Variants in SYNE2 observed in about 807,000 individuals in gnomAD.
SYNE2 encodes nesprin-2.
Under a neutral mutation model 856.3 loss-of-function variants are expected in SYNE2, and 431 were observed. The ratio of observed to expected loss-of-function variants is 0.50; its 90% CI spans 0.47 to 0.55. The LOEUF (loss-of-function observed/expected upper bound fraction) is 0.55. Among genes scored for constraint, SYNE2 ranks in the 20% least tolerant of loss-of-function variants. The pLI is 0.00. For missense variants in SYNE2, 8,129 were observed against 8,023.2 expected (o/e 1.01, Z -0.50); for synonymous variants, 2,923 against 2,872.3 (o/e 1.02, Z -0.56).
intron 94 of SYNE2, chr14:64,174,067 A>AT: frequency 6.0e-5 from 32 of 536,798 alleles, no homozygotes; most frequent in South Asian, 1.7e-4. Context: ...TTGTCTCTTA[A>AT]ATTTTTTTTT....
intron 51 of SYNE2, among the ~76,000 whole-genome samples, chr14:64,066,528 G>T (rs147417277): frequency 1.1e-3 from 161 of 152,114 alleles, no homozygotes; most frequent in African/African-American, 3.7e-3. Context: ...AAAACACAAC[G>T]TAAAATTATC....
At position 64,098,030 on chromosome 14, in the gene SYNE2, G is replaced by C; in HGVS notation, c.12190G>C (p.Val4064Leu). The C allele has an allele frequency of 1.2e-6, 2 of 1,614,190 alleles. No homozygotes were observed. Among genetic ancestry groups the C allele is most frequent in the Non-Finnish European group, 1.7e-6 (2 of 1,180,016 alleles). ...EDLLVDLKAT[V>L]LNLHQHLKQE... ...CCTGTTGGTGGACTTGAAGGCCACC[G>C]TACTAAACCTTCACCAGCATTTGAA... Residue 4064 changes from valine (V) to leucine (L), a missense_variant, in exon 62 of 116, where the codon GTA (valine) becomes CTA (leucine). Val to Leu is a conservative substitution (Grantham distance 32). Coordinates refer to ENST00000555002, the MANE Select transcript of SYNE2 (RefSeq NM_182914.3).
intron 1 of SYNE2, among the ~76,000 whole-genome samples, chr14:63,896,268 G>A (rs531193226): frequency 4.6e-5 from 7 of 152,172 alleles, no homozygotes; most frequent in Non-Finnish European, 8.8e-5. Flanking sequence ...GTGTACTCCC[G>A]AACTCCTGTA....
At chr14:63,998,444 G>A (rs563777292) in intron 26 of SYNE2, 116 bp downstream of exon 26, 10 of 704,768 alleles carry the variant, frequency 1.4e-5, no homozygotes, top group Non-Finnish European at 2.5e-5. Flanking sequence ...ATATGATCCA[G>A]TAACTTAGAA....
At chr14:64,203,024 G>A in intron 100 of SYNE2, 61 bp downstream of exon 100, 2 of 1,595,002 alleles carry the variant, frequency 1.3e-6, no homozygotes, top group Admixed American at 3.4e-5. Flanking sequence ...CACTGACTGA[G>A]GCCTTCCCCG....
intron 79 of SYNE2, among the ~76,000 whole-genome samples, chr14:64,138,278 A>G (rs977575628): frequency 4.6e-5 from 7 of 152,032 alleles, no homozygotes; most frequent in South Asian, 2.1e-4. Context: ...GCTGGAGTGC[A>G]TGGAGTGCAG....
In SYNE2 at chr14:64,216,360, G is replaced by T. The variant is rs372269749; in HGVS notation, c.19515G>T (p.Ala6505=). The change falls in exon 108 of 116, where the codon GCG becomes GCT. Residue 6505 remains alanine, a synonymous_variant. Coordinates refer to ENST00000555002, the MANE Select transcript of SYNE2 (RefSeq NM_182914.3). Reference sequence around the variant, plus strand: ...GGAATGTTCCACCTGTTCCCCCTGCGTCCAGCACCCCTTATAAACCACCCT... The same window carrying T: ...GGAATGTTCCACCTGTTCCCCCTGCTTCCAGCACCCCTTATAAACCACCCT... ...GDRNVPPVPP[A]SSTPYKPPYG... is the part of the protein sequence containing the mutation. 6.2e-7 allele frequency: 1 copy of T among 1,614,038 alleles called. No individual in the cohort carries two copies. Among genetic ancestry groups the T allele is most frequent in the Admixed American group, 1.7e-5 (1 of 60,000 alleles).
intron 1 of SYNE2, among the ~76,000 whole-genome samples, chr14:63,769,023 C>T (rs1001629095): frequency 6.6e-6 from 1 of 152,072 alleles, no homozygotes; most frequent in Non-Finnish European, 1.5e-5. Flanking sequence ...ACCTTTAAGC[C>T]CAGCACTTTG....
At chr14:63,775,486 G>A (rs992405774) in intron 1 of SYNE2, among the ~76,000 whole-genome samples, 1 of 151,878 alleles carries the variant, frequency 6.6e-6, no homozygotes, top group Admixed American at 6.6e-5. Flanking sequence ...ATGTTGGCCA[G>A]GCTGGTCTTG....
At chr14:64,125,670 A>C (rs1373822602) in intron 71 of SYNE2, among the ~76,000 whole-genome samples, 1 of 152,190 alleles carries the variant, frequency 6.6e-6, no homozygotes, top group Non-Finnish European at 1.5e-5. Flanking sequence ...TAACTGTTCA[A>C]GAATTCAGGG....
chr14:63,974,759 CGT>C (rs72348396), intron 11 of SYNE2, among the ~76,000 whole-genome samples: 42,802 of 135,624 alleles, frequency 0.32, 6,942 homozygotes, highest in Middle Eastern at 0.38. Context: ...TATGTATATA[CGT>C]GTGTGTGTAT....
At chr14:63,987,779 T>C (rs2096637439) in intron 19 of SYNE2, among the ~76,000 whole-genome samples, 1 of 152,010 alleles carries the variant, frequency 6.6e-6, no homozygotes. Flanking sequence ...TTTTAAATAA[T>C]TTAAAAATTT....
intron 1 of SYNE2, among the ~76,000 whole-genome samples, chr14:63,869,097 C>G (rs1194521675): frequency 2.0e-5 from 3 of 152,222 alleles, no homozygotes; most frequent in Non-Finnish European, 4.4e-5. Flanking sequence ...TGACACTCTT[C>G]AGGTAACAAG....
intron 1 of SYNE2, among the ~76,000 whole-genome samples, chr14:63,774,202 C>T (rs1315543563): frequency 1.3e-5 from 2 of 151,990 alleles, no homozygotes; most frequent in East Asian, 1.9e-4. Flanking sequence ...GGCGCAGTGG[C>T]TCACGCCTGT....
chr14:63,796,145 C>T (rs1446520392), intron 1 of SYNE2, among the ~76,000 whole-genome samples: 1 of 152,200 alleles, frequency 6.6e-6, no homozygotes, highest in Non-Finnish European at 1.5e-5. Context: ...TCTCTTACCT[C>T]TCTGCTAATA....
intron 38 of SYNE2, 140 bp from the exon 39 acceptor site, chr14:64,024,117 C>T (rs2096959200): frequency 1.4e-6 from 1 of 713,874 alleles, no homozygotes; most frequent in East Asian, 2.8e-5. Context: ...GAGATAGCCA[C>T]ATCTCCATCA....
At chr14:64,038,752 A>G (rs2097124339) in intron 45 of SYNE2, among the ~76,000 whole-genome samples, 1 of 152,258 alleles carries the variant, frequency 6.6e-6, no homozygotes, top group Non-Finnish European at 1.5e-5. Context: ...CTGAGGCAGG[A>G]GAATCAGGCA....
chr14:63,802,359 G>A (rs12896216), intron 1 of SYNE2, among the ~76,000 whole-genome samples: 9,610 of 151,258 alleles, frequency 0.064, 328 homozygotes, highest in Middle Eastern at 0.1. Context: ...TGCTCGCCTC[G>A]GCCTCCCCAG....
chr14:64,146,184 A>G lies in SYNE2; in HGVS notation c.15600A>G (p.Glu5200=). Residue 5200 remains glutamate, a synonymous_variant, in exon 84 of 116, where the codon GAA becomes GAG. Coordinates refer to ENST00000555002, the MANE Select transcript of SYNE2 (RefSeq NM_182914.3). ...EERLKTLQKP[E]SVISVQKLLL... ...GACTGAAAACTTTACAAAAACCTGAAAGTGTGATCTCAGTGCAGAAGCTGC... is the reference window on the plus strand; with the variant it reads ...GACTGAAAACTTTACAAAAACCTGAGAGTGTGATCTCAGTGCAGAAGCTGC... 3 of 1,612,956 alleles carry G rather than the reference A, an allele frequency of 1.9e-6. No homozygotes were observed. Among genetic ancestry groups the G allele is most frequent in the Non-Finnish European group, 1.7e-6 (2 of 1,179,640 alleles).
Sources: allele counts gnomAD v4.1 joint callset (sites outside exome capture counted in the v4.1 genomes callset), GRCh38; gene constraint gnomAD v4.1.1; transcripts MANE v1.5; gene names NCBI Gene and HGNC (gene_info 2026-07-23, HGNC 2026-07-21).